The following RALGPS2 variants were observed in gnomAD, a reference collection of about 807,000 sequenced individuals.
RALGPS2 encodes the protein Ral GEF with PH domain and SH3 binding motif 2.
Under a neutral mutation model 86.8 loss-of-function variants are expected in RALGPS2, and 43 were observed. The observed-to-expected ratio is 0.50, with a 90% CI of 0.39 to 0.64. The LOEUF (loss-of-function observed/expected upper bound fraction) is 0.64, where lower values mean the gene tolerates loss of function less well. Ranked by LOEUF, RALGPS2 falls within the 30% of genes least tolerant of loss-of-function variation. The pLI, the probability that RALGPS2 is intolerant of heterozygous loss-of-function variation, is 0.00. For synonymous variants in RALGPS2, 243 were observed against 231.3 expected, an observed-to-expected ratio of 1.05 and a Z score of -0.46; for missense variants, 536 against 694.6, an observed-to-expected ratio of 0.77 and a Z score of 2.57.
chr1:178,756,548 G>C (rs954612274), intron 1 of RALGPS2, among the ~76,000 whole-genome samples: 11 of 152,118 alleles, frequency 7.2e-5, no homozygotes, highest in African/African-American at 2.4e-4. Context: ...TGCTGTTTTG[G>C]TTACTTACTG....
At chr1:178,781,599 C>T (rs762418304) in intron 2 of RALGPS2, among the ~76,000 whole-genome samples, 6 of 151,836 alleles carry the variant, frequency 4.0e-5, no homozygotes, top group Non-Finnish European at 7.4e-5. Context: ...CCTCTAATGG[C>T]CATTAAGAAG....
chr1:178,752,589 T>G (rs560727936), intron 1 of RALGPS2, among the ~76,000 whole-genome samples: 8 of 152,300 alleles, frequency 5.3e-5, no homozygotes, highest in Non-Finnish European at 1.2e-4. Flanking sequence ...AATGTAACAT[T>G]TCGTGATGGC....
intron 2 of RALGPS2, among the ~76,000 whole-genome samples, chr1:178,779,768 T>C (rs1653289735): frequency 6.6e-6 from 1 of 152,244 alleles, no homozygotes; most frequent in South Asian, 2.1e-4. Context: ...AGTTTTGTTC[T>C]TGTTGCCCAG....
chr1:178,830,450 T>C (rs1655964611), intron 7 of RALGPS2, among the ~76,000 whole-genome samples: 1 of 152,166 alleles, frequency 6.6e-6, no homozygotes, highest in Non-Finnish European at 1.5e-5. Flanking sequence ...GATACGTGTA[T>C]GACAGAGGTG....
chr1:178,736,238 A>T (rs1049321166), intron 1 of RALGPS2, among the ~76,000 whole-genome samples: 2 of 143,564 alleles, frequency 1.4e-5, no homozygotes, highest in African/African-American at 5.2e-5. Context: ...ATCTCGGCTC[A>T]CTGCAGCCTC....
intron 4 of RALGPS2, 87 bp from the exon 5 acceptor site, chr1:178,807,958 A>C (rs1654817237): frequency 2.4e-6 from 2 of 825,364 alleles, no homozygotes; most frequent in African/African-American, 1.7e-5. Context: ...AAAAGAACAC[A>C]AACTGTCTTT....
At chr1:178,835,021 G>T (rs568688588) in intron 8 of RALGPS2, among the ~76,000 whole-genome samples, 2 of 152,120 alleles carry the variant, frequency 1.3e-5, no homozygotes, top group South Asian at 4.1e-4. Flanking sequence ...CAAGTGATCC[G>T]CCCATCTCAG....
chr1:178,735,525 G>A (rs1268549968), intron 1 of RALGPS2, among the ~76,000 whole-genome samples: 2 of 149,202 alleles, frequency 1.3e-5, no homozygotes, highest in Non-Finnish European at 3.0e-5. Flanking sequence ...CCTGCTTCAA[G>A]CAGTTCTCCT....
chr1:178,751,976 C>G (rs1320763093), intron 1 of RALGPS2, among the ~76,000 whole-genome samples: 1 of 152,092 alleles, frequency 6.6e-6, no homozygotes, highest in Admixed American at 6.6e-5. Context: ...CAAATTAACA[C>G]TTATAATTGT....
In RALGPS2 at chr1:178,892,783, A is replaced by G. The variant is rs1472267943; in HGVS notation, c.1325+476A>G. The stretch of plus-strand genomic sequence containing the variant: ...TGTATATTTAAATTCATATTCATTC[A>G]GTTGTTTGTCTGGTTAAACCAGGTC... On this transcript the variant is annotated intron_variant, in intron 15 of 19. Transcript: ENST00000367635. Among the ~76,000 whole-genome samples the G allele has an allele frequency of 2.0e-5, 3 of 152,214 alleles. No individual in the cohort carries two copies. In the East Asian group the frequency reaches 5.8e-4, roughly 29 times the overall value.
chr1:178,764,188 G>C (rs1386663179), intron 1 of RALGPS2, among the ~76,000 whole-genome samples: 1 of 152,100 alleles, frequency 6.6e-6, no homozygotes, highest in Non-Finnish European at 1.5e-5. Flanking sequence ...GTTAGGTCTT[G>C]TTGAACTGAG....
At chr1:178,906,932 G>A (rs759866260) in intron 19 of RALGPS2, 65 bp downstream of exon 19, 1 of 1,433,402 alleles carries the variant, frequency 7.0e-7, no homozygotes, top group Non-Finnish European at 9.8e-7. Context: ...AGAGTTCCAA[G>A]AGAAGTAAAC....
At position 178,827,464 on chromosome 1, in the gene RALGPS2, G is replaced by A. The variant is rs1326186715; in HGVS notation, c.480+5760G>A. ...GGCTGGAGTGCAGTGGCGGGATCTC[G>A]GCTCACTGCAAGCTCCGCCTCCCGG... On this transcript the variant is annotated intron_variant, in intron 7 of 19. Transcript: ENST00000367635. 3.5e-5 allele frequency among the ~76,000 whole-genome samples: 5 copies of A among 144,690 alleles called. No homozygotes were observed. The East Asian group carries it at 6.0e-4, about 17-fold the overall frequency. 94.9% of individuals were successfully genotyped at this position (144,690 alleles called of 152,430 possible).
chr1:178,851,217 T>C, intron 8 of RALGPS2: 8 of 1,614,058 alleles, frequency 5.0e-6, no homozygotes, highest in South Asian at 1.1e-5. Context: ...ATCTTGGTGC[T>C]TGCTTCTGTA....
rs987596076 is a variant in RALGPS2, at chr1:178,793,399, G to A, written c.213+7792G>A. On this transcript the variant is annotated intron_variant, in intron 4 of 19. Transcript: ENST00000367635. ...AAGAATTTCGATCAAAACCACAGGG[G>A]TCTTTTTTTTTTTTTTTTTTTTAAG... Among the ~76,000 whole-genome samples, 8 of 144,882 alleles carry A rather than the reference G, an allele frequency of 5.5e-5. No individual in the cohort carries two copies. The South Asian group carries it at 8.7e-4, about 16-fold the overall frequency.
chr1:178,763,859 G>A (rs1317770361), intron 1 of RALGPS2, among the ~76,000 whole-genome samples: 1 of 151,598 alleles, frequency 6.6e-6, no homozygotes, highest in African/African-American at 2.4e-5. Flanking sequence ...ATGAGAGTGT[G>A]CTTTGTATGA....
At chr1:178,741,743 A>G (rs751342340) in intron 1 of RALGPS2, among the ~76,000 whole-genome samples, 12 of 152,052 alleles carry the variant, frequency 7.9e-5, no homozygotes, top group Non-Finnish European at 1.5e-4. Context: ...ATAAAAAGAG[A>G]AAAAAAAGGG....
At chr1:178,864,477 G>C (rs1658247383) in intron 8 of RALGPS2, among the ~76,000 whole-genome samples, 1 of 152,134 alleles carries the variant, frequency 6.6e-6, no homozygotes, top group African/African-American at 2.4e-5. Flanking sequence ...TGAGTCATCT[G>C]CTGAGAGTGG....
chr1:178,835,373 G>A (rs1227676421), intron 8 of RALGPS2, among the ~76,000 whole-genome samples: 1 of 149,122 alleles, frequency 6.7e-6, no homozygotes. Flanking sequence ...TGGGAGCATT[G>A]TGATATCTTC....
Sources: allele counts gnomAD v4.1 joint callset (sites outside exome capture counted in the v4.1 genomes callset), GRCh38; gene constraint gnomAD v4.1.1; transcripts MANE v1.5; gene names NCBI Gene and HGNC (gene_info 2026-07-23, HGNC 2026-07-21).